SND1: variants seen among roughly 807,000 people sequenced by gnomAD.
SND1 encodes the protein staphylococcal nuclease domain-containing protein 1.
A neutral mutation model predicts 121.7 loss-of-function variants in SND1; 38 were observed. The observed-to-expected ratio is 0.31, with a 90% CI of 0.24 to 0.41. SND1 has a LOEUF of 0.41. SND1 is among the 10% of genes least tolerant of loss of function. SND1 has a pLI of 1.00. For synonymous variants in SND1, 401 were observed against 447.4 expected, an observed-to-expected ratio of 0.90 and a Z score of 1.31; for missense variants, 868 against 1,184.6, an observed-to-expected ratio of 0.73 and a Z score of 3.92.
chr7:127,684,620 T>G (rs1349099438), intron 1 of SND1, among the ~76,000 whole-genome samples: 1 of 152,238 alleles, frequency 6.6e-6, no homozygotes, highest in African/African-American at 2.4e-5. Flanking sequence ...AGCTTATCTT[T>G]TGGAATGTCA....
chr7:127,686,685 C>T lies in SND1; in HGVS notation c.151C>T (p.Leu51Phe). ...GGPPPERQIN[L>F]SNIRAGNLAR... ...GCCTCCTCCTGAGCGGCAGATCAAC[C>T]TCAGCAACATTCGTGCTGGAAATCT... Residue 51 changes from leucine to phenylalanine, a missense_variant, in exon 2 of 24, where the codon CTC becomes TTC. Transcript: ENST00000354725. 6.2e-7 allele frequency: 1 copy of T among 1,614,168 alleles called. No individual in the cohort carries two copies. Among genetic ancestry groups the T allele is most frequent in the Non-Finnish European group, 8.5e-7 (1 of 1,180,012 alleles).
At chr7:127,885,407 T>G (rs1328602287) in intron 12 of SND1, among the ~76,000 whole-genome samples, 4 of 152,062 alleles carry the variant, frequency 2.6e-5, no homozygotes, top group African/African-American at 9.7e-5. Context: ...CCAGGAGAAA[T>G]CTATAATTAG....
chr7:127,877,046 C>T (rs1799704293), intron 12 of SND1, among the ~76,000 whole-genome samples: 1 of 152,182 alleles, frequency 6.6e-6, no homozygotes, highest in African/African-American at 2.4e-5. Context: ...CCTAACTTCC[C>T]TAGATATTTT....
chr7:128,091,925 G>T (rs1168052421), intron 23 of SND1, 44 bp downstream of exon 23: 1 of 1,613,882 alleles, frequency 6.2e-7, no homozygotes, highest in Non-Finnish European at 8.5e-7. Flanking sequence ...CCGAGTTGAG[G>T]GGTTTGGCCC....
chr7:127,743,778 C>T (rs1333428602), intron 10 of SND1, among the ~76,000 whole-genome samples: 4 of 152,138 alleles, frequency 2.6e-5, no homozygotes, highest in Non-Finnish European at 5.9e-5. Context: ...AAACTATGTA[C>T]GCCTATCAGG....
chr7:128,032,087 C>T (rs1792633578), intron 16 of SND1: 1 of 151,936 alleles, frequency 6.6e-6, no homozygotes, highest in Admixed American at 6.6e-5. Flanking sequence ...TCCTTTTGTC[C>T]TTCAGTCAGA....
rs563979260 is a variant in SND1 at position 127,701,483 on chromosome 7, G to A, written c.589+160G>A. On this transcript the variant is annotated intron_variant, in intron 5 of 23. Coordinates refer to ENST00000354725, the MANE Select transcript of SND1 (RefSeq NM_014390.4). ...AAAACAGCACCTTAGTATTTCAGAA[G>A]GGAATTTGGACTCAGTTCATGTAAA... 4.0e-4 allele frequency among the ~76,000 whole-genome samples: 60 copies of A among 151,452 alleles called. 3 individuals carry two copies. In the South Asian group the frequency reaches 0.013, roughly 32 times the overall value.
Position 127,911,727 on chromosome 7 carries a change from C to T in SND1, c.1527+6908C>T, listed in dbSNP as rs1199788094. Among the ~76,000 whole-genome samples, 3 of 152,208 alleles carry T rather than the reference C, an allele frequency of 2.0e-5. No homozygotes were observed. The East Asian group carries it at 5.8e-4, about 29-fold the overall frequency. On this transcript the variant is annotated intron_variant, in intron 14 of 23. Coordinates refer to ENST00000354725, the MANE Select transcript of SND1 (RefSeq NM_014390.4). Reference sequence around the variant, plus strand: ...ATGTTGGTCAGGCTGGTCTTGAACTCCTGACCTCATGATCTGCCCACCTTG... The same window carrying T: ...ATGTTGGTCAGGCTGGTCTTGAACTTCTGACCTCATGATCTGCCCACCTTG...
At chr7:127,980,557 T>C (rs1802236366) in intron 15 of SND1, among the ~76,000 whole-genome samples, 1 of 152,224 alleles carries the variant, frequency 6.6e-6, no homozygotes, top group Non-Finnish European at 1.5e-5. Context: ...CTCCTCATCC[T>C]ACTGTAGGCT....
chr7:127,806,334 C>T (rs950378232), intron 10 of SND1, among the ~76,000 whole-genome samples: 2 of 152,134 alleles, frequency 1.3e-5, no homozygotes, highest in African/African-American at 2.4e-5. Flanking sequence ...TCCTTTCCTA[C>T]TTCTGTTACC....
chr7:127,914,100 C>T (rs1042767520), intron 14 of SND1, among the ~76,000 whole-genome samples: 3 of 151,936 alleles, frequency 2.0e-5, no homozygotes, highest in African/African-American at 7.3e-5. Context: ...AATACAGTAT[C>T]GAATTTGGAA....
At position 127,962,875 on chromosome 7, in the gene SND1, C is replaced by T. The variant is rs1057253941; in HGVS notation, c.1670-28072C>T. Among the ~76,000 whole-genome samples the T allele has an allele frequency of 2.6e-5, 4 of 152,188 alleles. No individual in the cohort carries two copies. The East Asian group carries it at 7.7e-4, about 29-fold the overall frequency. ...TCAGGCATAACATGTTCTTAACTTGCCTTTTTGAAATGACACCTCTCTGAG... is the reference window on the plus strand; with the variant it reads ...TCAGGCATAACATGTTCTTAACTTGTCTTTTTGAAATGACACCTCTCTGAG... On this transcript the variant is annotated intron_variant, in intron 15 of 23. Coordinates refer to ENST00000354725, the MANE Select transcript of SND1 (RefSeq NM_014390.4).
At chr7:127,738,274 TTTTTTTTTTTTC>T (rs1796814763) in intron 10 of SND1, among the ~76,000 whole-genome samples, 1 of 133,274 alleles carries the variant, frequency 7.5e-6, no homozygotes, top group Non-Finnish European at 1.6e-5. Flanking sequence ...AAGGTGTTTC[TTTTTTTTTTTTC>T]TTTTTTTTTT....
At chr7:127,864,421 C>T (rs1171786235) in intron 12 of SND1, among the ~76,000 whole-genome samples, 2 of 151,986 alleles carry the variant, frequency 1.3e-5, no homozygotes, top group Non-Finnish European at 2.9e-5. Context: ...CCACTTCTTG[C>T]TGATGGTGCT....
chr7:128,080,222 CCCTT>C, intron 17 of SND1, among the ~76,000 whole-genome samples: 1 of 152,340 alleles, frequency 6.6e-6, no homozygotes, highest in South Asian at 2.1e-4. Context: ...CTCCCACCCA[CCCTT>C]CCTGCTGCTC....
chr7:127,981,685 T>C (rs17676908), intron 15 of SND1, among the ~76,000 whole-genome samples: 2 of 152,200 alleles, frequency 1.3e-5, no homozygotes, highest in African/African-American at 4.8e-5. Flanking sequence ...GTGTGGTGTC[T>C]AAAGCTAACA....
In SND1 at chr7:127,828,634, A is replaced by G. The variant is rs147496393; in HGVS notation, c.1243-15690A>G. Among the ~76,000 whole-genome samples, 258 of 152,262 alleles carry G rather than the reference A, an allele frequency of 1.7e-3. 1 individual carries two copies. The highest frequency in any genetic ancestry group is 6.0e-3 in the African/African-American group (248 of 41,556). On this transcript the variant is annotated intron_variant, in intron 11 of 23. Transcript: ENST00000354725. ...TTTTGGCTTTGTTCTTCTTTCTTGT[A>G]GAGTTGTCTAAAATTTTCTGGAAAA...
At chr7:127,755,765 A>G (rs1381064325) in intron 10 of SND1, among the ~76,000 whole-genome samples, 1 of 152,246 alleles carries the variant, frequency 6.6e-6, no homozygotes, top group Non-Finnish European at 1.5e-5. Flanking sequence ...ATGAATTGTC[A>G]TGCCTCTGCT....
At chr7:128,028,909 C>T (rs761111348) in intron 16 of SND1, 1 of 1,613,124 alleles carries the variant, frequency 6.2e-7, no homozygotes, top group Non-Finnish European at 8.5e-7. Flanking sequence ...GCGGATGTTG[C>T]TGCTGGGATG....
Sources: gnomAD v4.1 joint callset for allele counts (sites outside exome capture counted in the v4.1 genomes callset) on GRCh38, gnomAD v4.1.1 for gene constraint, MANE v1.5 for transcripts, NCBI Gene and HGNC (gene_info 2026-07-23, HGNC 2026-07-21) for gene names.